The following MACROD2 variants were observed in gnomAD, a reference collection of about 807,000 sequenced individuals.
MACROD2 encodes the protein ADP-ribose glycohydrolase MACROD2.
In MACROD2, 36 loss-of-function variants were observed where a neutral mutation model predicts 70.4. The observed-to-expected ratio is 0.51, with a 90% CI of 0.39 to 0.68. The LOEUF (loss-of-function observed/expected upper bound fraction) is 0.68. Among genes scored for constraint, MACROD2 ranks in the 30% least tolerant of loss-of-function variants. MACROD2 has a pLI of 0.00. For missense variants in MACROD2, 496 were observed against 538.4 expected, an observed-to-expected ratio of 0.92 and a Z score of 0.78; for synonymous variants, 172 against 178.8, an observed-to-expected ratio of 0.96 and a Z score of 0.30.
chr20:14,326,134 G>GT lies in MACROD2; in HGVS notation c.272-167343dup, dbSNP rs2082730330. 1 of 1,613,728 alleles carries GT rather than the reference G, an allele frequency of 6.2e-7. No individual in the cohort carries two copies. The highest frequency in any genetic ancestry group is 8.5e-7 in the Non-Finnish European group (1 of 1,179,856). On this transcript the variant is annotated intron_variant, in intron 3 of 17. Transcript: ENST00000684519. This position sits in a 1 kb window ranked among gnomAD's most constrained non-coding sequence, Gnocchi z 5.5. Reference sequence around the variant, plus strand: ...GACCAAGTACTCACTGCGTTCCCCTGTTACAATTGTTTCTGTTATAGATCC... The same window carrying GT: ...GACCAAGTACTCACTGCGTTCCCCTGTTTACAATTGTTTCTGTTATAGATCC...
intron 4 of MACROD2, among the ~76,000 whole-genome samples, chr20:14,530,911 A>G (rs780298964): frequency 1.3e-5 from 2 of 152,240 alleles, no homozygotes; most frequent in Non-Finnish European, 2.9e-5. Context: ...AAACTTGCGC[A>G]GTCAGTAGCA....
At chr20:14,734,948 A>G (rs1477552810) in intron 5 of MACROD2, among the ~76,000 whole-genome samples, 2 of 152,182 alleles carry the variant, frequency 1.3e-5, no homozygotes, top group Non-Finnish European at 2.9e-5. Flanking sequence ...CAAAAGGATG[A>G]CATTGAGCCC....
intron 5 of MACROD2, among the ~76,000 whole-genome samples, chr20:14,955,816 AG>A (rs1447466879): frequency 2.0e-5 from 3 of 151,980 alleles, no homozygotes; most frequent in African/African-American, 2.4e-5. Context: ...TGAAGGAGAG[AG>A]GGGGAAGCGA....
intron 5 of MACROD2, among the ~76,000 whole-genome samples, chr20:14,752,425 G>C (rs887139574): frequency 9.2e-5 from 14 of 151,712 alleles, no homozygotes; most frequent in African/African-American, 2.7e-4. Flanking sequence ...TTCTCATTAA[G>C]CTCTATTGAT....
intron 8 of MACROD2, among the ~76,000 whole-genome samples, chr20:15,614,279 T>C (rs1344254235): frequency 6.6e-6 from 1 of 152,240 alleles, no homozygotes; most frequent in Non-Finnish European, 1.5e-5. Flanking sequence ...TATTATCCAT[T>C]TGTTATTCCT....
chr20:15,694,653 C>T (rs937998238), intron 8 of MACROD2, among the ~76,000 whole-genome samples: 2 of 152,022 alleles, frequency 1.3e-5, no homozygotes, highest in African/African-American at 4.8e-5. Flanking sequence ...AAGTTTTTCT[C>T]CCACTCTGTG....
chr20:15,804,385 T>A (rs2063751453), intron 8 of MACROD2, among the ~76,000 whole-genome samples: 1 of 152,234 alleles, frequency 6.6e-6, no homozygotes, highest in Non-Finnish European at 1.5e-5. Context: ...ACTTAACAGT[T>A]TGACAGAAAA....
At chr20:15,672,400 TTCAC>T (rs891690256) in intron 8 of MACROD2, among the ~76,000 whole-genome samples, 2 of 147,606 alleles carry the variant, frequency 1.4e-5, no homozygotes, top group Admixed American at 1.4e-4. Flanking sequence ...GAGTCATTCA[TTCAC>T]TCATTCATTC....
intron 2 of MACROD2, among the ~76,000 whole-genome samples, chr20:14,009,928 A>G (rs2052878319): frequency 6.6e-6 from 1 of 152,232 alleles, no homozygotes; most frequent in African/African-American, 2.4e-5. Flanking sequence ...TGATGAGAAC[A>G]CATGGACACA....
At chr20:14,840,444 C>T (rs932824531) in intron 5 of MACROD2, among the ~76,000 whole-genome samples, 3 of 151,986 alleles carry the variant, frequency 2.0e-5, no homozygotes, top group Admixed American at 2.0e-4. Context: ...GCCATGTTGC[C>T]CAGGCTGGTC....
intron 5 of MACROD2, among the ~76,000 whole-genome samples, chr20:14,993,865 T>G (rs2074926962): frequency 6.6e-6 from 1 of 152,196 alleles, no homozygotes; most frequent in Non-Finnish European, 1.5e-5. Flanking sequence ...ATGAAATAAT[T>G]ATTTGCCTTA....
intron 5 of MACROD2, among the ~76,000 whole-genome samples, chr20:15,144,766 T>C (rs2076218329): frequency 6.6e-6 from 1 of 152,196 alleles, no homozygotes; most frequent in Non-Finnish European, 1.5e-5. Flanking sequence ...GCAACATTTC[T>C]GAACCAAATG....
intron 3 of MACROD2, among the ~76,000 whole-genome samples, chr20:14,126,724 A>C (rs1409706428): frequency 6.6e-6 from 1 of 152,124 alleles, no homozygotes; most frequent in East Asian, 1.9e-4. Flanking sequence ...TTTCATTATT[A>C]TTATATCTGT....
chr20:15,893,790 T>C (rs1055562995), intron 10 of MACROD2: 7 of 456,606 alleles, frequency 1.5e-5, no homozygotes, highest in African/African-American at 1.4e-4. Flanking sequence ...GTAATAATAC[T>C]GATGGTGTCA....
intron 6 of MACROD2, among the ~76,000 whole-genome samples, chr20:15,369,026 G>A (rs1168771859): frequency 2.6e-5 from 4 of 152,094 alleles, no homozygotes; most frequent in African/African-American, 7.2e-5. Context: ...TATATGTCTG[G>A]TATGAATTGT....
chr20:14,742,326 G>A (rs761759934), intron 5 of MACROD2, among the ~76,000 whole-genome samples: 1 of 151,998 alleles, frequency 6.6e-6, no homozygotes, highest in Non-Finnish European at 1.5e-5. Context: ...TTTCTTCTGA[G>A]AAAAGTTTTA....
chr20:14,954,762 AT>A (rs553706159), intron 5 of MACROD2, among the ~76,000 whole-genome samples: 12 of 21,824 alleles, frequency 5.5e-4, no homozygotes, highest in African/African-American at 2.5e-3. Context: ...ATATAAATAA[AT>A]TTTATATAAC....
chr20:14,387,593 A>G (rs2083482508), intron 3 of MACROD2, among the ~76,000 whole-genome samples: 1 of 152,234 alleles, frequency 6.6e-6, no homozygotes, highest in African/African-American at 2.4e-5. Flanking sequence ...CTCAATGAAC[A>G]GCCAAGCATA....
intron 5 of MACROD2, among the ~76,000 whole-genome samples, chr20:14,963,647 T>C (rs942100299): frequency 3.3e-5 from 5 of 152,158 alleles, no homozygotes; most frequent in Non-Finnish European, 5.9e-5. Context: ...AAAACAATAC[T>C]GAAAATGCCA....
Sources: gnomAD v4.1 joint callset for allele counts (sites outside exome capture counted in the v4.1 genomes callset) on GRCh38, gnomAD v4.1.1 for gene constraint, Gnocchi (gnomAD v3.1) non-coding constraint, MANE v1.5 for transcripts, NCBI Gene and HGNC (gene_info 2026-07-23, HGNC 2026-07-21) for gene names.